The following NIPSNAP1 variants were observed in gnomAD, a reference collection of about 807,000 sequenced individuals.
The protein encoded by NIPSNAP1 is protein NipSnap homolog 1.
NIPSNAP1 carries 25 observed loss-of-function variants against 49.2 expected under a neutral mutation model. The ratio of observed to expected loss-of-function variants is 0.51; its 90% CI spans 0.37 to 0.71. The LOEUF (loss-of-function observed/expected upper bound fraction) is 0.71, where lower values mean the gene tolerates loss of function less well. Ranked by LOEUF, NIPSNAP1 falls within the 30% of genes least tolerant of loss-of-function variation. The pLI, the probability that NIPSNAP1 is intolerant of heterozygous loss-of-function variation, is 0.00. For missense variants in NIPSNAP1, 294 were observed against 361.0 expected, an observed-to-expected ratio of 0.81 and a Z score of 1.50; for synonymous variants, 143 against 140.7, an observed-to-expected ratio of 1.02 and a Z score of -0.12.
chr22:29,561,910 C>T (rs1450620179), intron 4 of NIPSNAP1, 48 bp from the exon 5 acceptor site: 2 of 1,589,628 alleles, frequency 1.3e-6, no homozygotes, highest in African/African-American at 1.3e-5. Flanking sequence ...GGACCCCCAG[C>T]AGATGACCTC....
At chr22:29,579,940 A>T in intron 1 of NIPSNAP1, 1 of 520,734 alleles carries the variant, frequency 1.9e-6, no homozygotes, top group Non-Finnish European at 3.3e-6. Context: ...CGCTTATGCC[A>T]CTCCTCTTTC....
At chr22:29,569,600 T>G (rs1285730342) in intron 3 of NIPSNAP1, among the ~76,000 whole-genome samples, 1 of 151,364 alleles carries the variant, frequency 6.6e-6, no homozygotes, top group African/African-American at 2.4e-5. Flanking sequence ...AGACAGAGTT[T>G]TGCTCTTGTT....
intron 4 of NIPSNAP1, among the ~76,000 whole-genome samples, chr22:29,563,261 G>A (rs965248564): frequency 6.6e-6 from 1 of 152,052 alleles, no homozygotes. Context: ...GTGAGACTCC[G>A]TCTCAAGTAA....
At chr22:29,579,024 G>A (rs570184713) in intron 1 of NIPSNAP1, among the ~76,000 whole-genome samples, 1 of 151,368 alleles carries the variant, frequency 6.6e-6, no homozygotes, top group East Asian at 1.9e-4. Context: ...TAGGGGTTAA[G>A]GAGCAACACT....
intron 8 of NIPSNAP1, among the ~76,000 whole-genome samples, chr22:29,559,285 A>G (rs976499606): frequency 3.9e-5 from 6 of 152,176 alleles, no homozygotes; most frequent in Admixed American, 2.6e-4. Flanking sequence ...TCATGCCTAT[A>G]ATCCCAGCAC....
In NIPSNAP1 at chr22:29,555,697, G is replaced by C; in HGVS notation, c.*238C>G. ...AAAAGATCACTATCTTTCATTCAGG[G>C]AAATCAGAAACTACTTCTAGCAGGG... is the stretch of plus-strand genomic sequence containing the variant. On this transcript the variant is annotated 3_prime_UTR_variant, in exon 10 of 10. Transcript: ENST00000216121. 1.8e-6 allele frequency: 1 copy of C among 555,046 alleles called. No individual in the cohort carries two copies. Among genetic ancestry groups the C allele is most frequent in the South Asian group, 2.0e-5 (1 of 48,918 alleles). 34.4% of individuals were successfully genotyped at this position (555,046 alleles called of 1,614,324 possible). A position where few individuals can be genotyped will look rare whatever the true frequency, so the allele number is the denominator to read the frequency against.
chr22:29,571,845 G>A (rs1038082915), intron 1 of NIPSNAP1, among the ~76,000 whole-genome samples: 1 of 151,330 alleles, frequency 6.6e-6, no homozygotes, highest in Non-Finnish European at 1.5e-5. Flanking sequence ...GTGCGATCTC[G>A]GCTCACTGCA....
intron 1 of NIPSNAP1, among the ~76,000 whole-genome samples, chr22:29,571,641 A>G (rs76637042): frequency 0.057 from 8,676 of 152,292 alleles, 245 homozygotes; most frequent in African/African-American, 0.077. Context: ...AAGTCTCCCA[A>G]TGGAGACAAT....
chr22:29,579,484 G>A (rs2064481548), intron 1 of NIPSNAP1, among the ~76,000 whole-genome samples: 1 of 151,716 alleles, frequency 6.6e-6, no homozygotes, highest in Non-Finnish European at 1.5e-5. Context: ...TTTTAGTAGA[G>A]ATGGGGTTTC....
Position 29,570,470 on chromosome 22 carries a change from G to C in NIPSNAP1, c.161C>G (p.Pro54Arg). The C allele has an allele frequency of 6.2e-7, 1 of 1,614,192 alleles. No homozygotes were observed. The highest frequency in any genetic ancestry group is 8.5e-7 in the Non-Finnish European group (1 of 1,180,038). ...FRSLFVHKVDPRKDAHSTLLS... is the reference protein window; with the variant it reads ...FRSLFVHKVDRRKDAHSTLLS... ...CAGGGTGGAGTGGGCATCCTTCCGG[G>C]GATCCACTTTGTGAACAAAGAGGGA... is the stretch of plus-strand genomic sequence containing the variant. The change falls in exon 2 of 10, where the codon CCC (proline) becomes CGC (arginine). Residue 54 changes from proline (P) to arginine (R), a missense_variant. Pro to Arg is a moderately radical substitution (Grantham distance 103). This residue lies in a region of NIPSNAP1 where 88 missense variants were observed against 76.1 expected (regional missense o/e 1.16). Coordinates refer to ENST00000216121, the MANE Select transcript of NIPSNAP1 (RefSeq NM_003634.4).
In NIPSNAP1 at chr22:29,561,578, C is replaced by T. The variant is rs1362084561; in HGVS notation, c.507G>A (p.Glu169=). 1.2e-6 allele frequency: 2 copies of T among 1,614,114 alleles called. No individual in the cohort carries two copies. Among genetic ancestry groups the T allele is most frequent in the African/African-American group, 1.3e-5 (1 of 75,022 alleles). ...LLSRRNQLLL[E]FSFWNEPQPR... is the part of the protein sequence containing the mutation. The stretch of plus-strand genomic sequence containing the variant: ...GCTGTGGCTCATTCCAGAAGCTGAA[C>T]TCGAGGAGCAGCTGGTTTCTCCTGG... The change falls in exon 6 of 10, where the codon GAG becomes GAA. Residue 169 remains glutamate (E), a synonymous_variant. Transcript: ENST00000216121.
chr22:29,561,127 C>T (rs1241744719), intron 7 of NIPSNAP1, 44 bp downstream of exon 7: 3 of 1,582,802 alleles, frequency 1.9e-6, no homozygotes, highest in Non-Finnish European at 2.6e-6. Context: ...GGCAGGTGAG[C>T]AGGGTACGCC....
chr22:29,569,758 G>A, intron 3 of NIPSNAP1: 1 of 339,078 alleles, frequency 2.9e-6, no homozygotes, highest in Non-Finnish European at 5.7e-6. Context: ...GGAGGCCGAG[G>A]CAGGTGGATC....
chr22:29,563,502 G>A (rs1393353634), intron 4 of NIPSNAP1, among the ~76,000 whole-genome samples: 1 of 151,940 alleles, frequency 6.6e-6, no homozygotes, highest in Non-Finnish European at 1.5e-5. Context: ...ACTCCAGCCT[G>A]GGCAAAAGAG....
chr22:29,572,870 C>T (rs2146614251), intron 1 of NIPSNAP1, among the ~76,000 whole-genome samples: 1 of 151,934 alleles, frequency 6.6e-6, no homozygotes, highest in East Asian at 1.9e-4. Flanking sequence ...GTAGTCTCAG[C>T]CACTTGAGAG....
In NIPSNAP1 at chr22:29,568,178, CAAA is replaced by C. The variant is rs33974680; in HGVS notation, c.367+1012_367+1014del. Among the ~76,000 whole-genome samples the C allele has an allele frequency of 3.7e-3, 149 of 40,630 alleles. 1 individual carries two copies. Among genetic ancestry groups the C allele is most frequent in the Non-Finnish European group, 4.6e-3 (115 of 25,258 alleles). 26.7% of individuals were successfully genotyped at this position (40,630 alleles called of 152,430 possible). A position where few individuals can be genotyped will look rare whatever the true frequency, so the allele number is the denominator to read the frequency against. ...TGTGTGACAGAGCAAGACCCTGTCT[CAAA>C]AAAAAAAAAAAAAAAAAAAAAGGCC... On this transcript the variant is annotated intron_variant, in intron 4 of 9. Coordinates refer to ENST00000216121, the MANE Select transcript of NIPSNAP1 (RefSeq NM_003634.4).
Position 29,561,905 on chromosome 22 carries a change from C to T in NIPSNAP1, c.368-43G>A, listed in dbSNP as rs201977967. The T allele has an allele frequency of 1.2e-4, 196 of 1,600,116 alleles. 2 individuals carry two copies. The East Asian group carries it at 4.0e-3, about 33-fold the overall frequency. On this transcript the variant is annotated intron_variant, in intron 4 of 9. Coordinates refer to ENST00000216121, the MANE Select transcript of NIPSNAP1 (RefSeq NM_003634.4). ...TATAGGTCAGTGAGCTGCTGGGACC[C>T]CCAGCAGATGACCTCCTCAAGGTTG...
chr22:29,572,150 A>G (rs1218116974), intron 1 of NIPSNAP1, among the ~76,000 whole-genome samples: 1 of 151,918 alleles, frequency 6.6e-6, no homozygotes, highest in African/African-American at 2.4e-5. Context: ...TAAAAATACA[A>G]AAATCAGCCA....
chr22:29,557,075 C>T (rs566180291), intron 9 of NIPSNAP1, among the ~76,000 whole-genome samples: 1 of 152,022 alleles, frequency 6.6e-6, no homozygotes, highest in African/African-American at 2.4e-5. Context: ...AACAAGCTCC[C>T]AGGGGATGCC....
Sources: allele counts gnomAD v4.1 joint callset (sites outside exome capture counted in the v4.1 genomes callset), GRCh38; gene constraint gnomAD v4.1.1; regional missense constraint gnomAD v4.1.1; transcripts MANE v1.5; gene names NCBI Gene and HGNC (gene_info 2026-07-23, HGNC 2026-07-21).